The following NCOA1 variants were observed in gnomAD, a reference collection of about 807,000 sequenced individuals.
NCOA1 encodes the protein nuclear receptor coactivator 1, also known as Hin-2 protein.
Under a neutral mutation model 150.9 loss-of-function variants are expected in NCOA1, and 35 were observed. The ratio of observed to expected loss-of-function variants is 0.23; its 90% CI spans 0.18 to 0.31. NCOA1 has a LOEUF of 0.31. Among genes scored for constraint, NCOA1 ranks in the 10% least tolerant of loss-of-function variants. NCOA1 has a pLI of 1.00. For synonymous variants in NCOA1, 590 were observed against 630.0 expected (o/e 0.94, Z 0.95); for missense variants, 1,491 against 1,749.3 (o/e 0.85, Z 2.63).
chr2:24,629,181 T>C (rs1246675479), intron 3 of NCOA1, among the ~76,000 whole-genome samples: 2 of 152,138 alleles, frequency 1.3e-5, no homozygotes, highest in East Asian at 3.8e-4. Context: ...GAATAGAGCA[T>C]TAAAAAAATT....
At chr2:24,697,556 G>A (rs969990795) in intron 10 of NCOA1, 102 bp from the exon 11 acceptor site, 1 of 1,026,450 alleles carries the variant, frequency 9.7e-7, no homozygotes, top group African/African-American at 1.6e-5. Flanking sequence ...TGTTTATTGA[G>A]TATTTGGAAA....
intron 14 of NCOA1, among the ~76,000 whole-genome samples, chr2:24,723,315 A>G (rs1309804130): frequency 1.3e-5 from 2 of 152,150 alleles, no homozygotes; most frequent in Non-Finnish European, 2.9e-5. Context: ...TTATAGCTGT[A>G]CAACTTCTTA....
At chr2:24,662,656 C>G (rs775409634) in intron 5 of NCOA1, among the ~76,000 whole-genome samples, 2 of 152,104 alleles carry the variant, frequency 1.3e-5, no homozygotes, top group Non-Finnish European at 2.9e-5. Context: ...TAATATAAAA[C>G]CCTGGAAAGT....
At chr2:24,613,654 A>G (rs981024031) in intron 3 of NCOA1, among the ~76,000 whole-genome samples, 2 of 152,096 alleles carry the variant, frequency 1.3e-5, no homozygotes, top group East Asian at 1.9e-4. Flanking sequence ...CTGTACCACA[A>G]TCTCTACACA....
chr2:24,576,186 T>G (rs533079497), intron 2 of NCOA1, among the ~76,000 whole-genome samples: 2 of 109,832 alleles, frequency 1.8e-5, no homozygotes, highest in Admixed American at 1.1e-4. Flanking sequence ...TTTTTTTTTT[T>G]TTTTTGTTTG....
At chr2:24,542,150 T>G (rs1665425202) in intron 1 of NCOA1, among the ~76,000 whole-genome samples, 1 of 152,182 alleles carries the variant, frequency 6.6e-6, no homozygotes, top group African/African-American at 2.4e-5. Context: ...GCAAGAAATT[T>G]GGTATATATA....
intron 7 of NCOA1, among the ~76,000 whole-genome samples, chr2:24,678,229 T>C (rs552849693): frequency 5.3e-5 from 8 of 152,358 alleles, no homozygotes; most frequent in South Asian, 2.1e-4. Flanking sequence ...CATCCCTTTT[T>C]ATGGCTACAT....
chr2:24,710,063 TA>T (rs1673658518), intron 13 of NCOA1, among the ~76,000 whole-genome samples: 1 of 151,396 alleles, frequency 6.6e-6, no homozygotes, highest in Non-Finnish European at 1.5e-5. Flanking sequence ...ACTCCCTATT[TA>T]TTCTTTTTTA....
chr2:24,529,790 C>G (rs1242393352), intron 1 of NCOA1, among the ~76,000 whole-genome samples: 3 of 151,858 alleles, frequency 2.0e-5, no homozygotes, highest in African/African-American at 7.3e-5. Context: ...CTATTTTTTT[C>G]TTGATGGTTA....
At chr2:24,595,688 ATTGGTGTCCTAATTGTTT>A (rs1294379276) in intron 3 of NCOA1, among the ~76,000 whole-genome samples, 6 of 151,902 alleles carry the variant, frequency 3.9e-5, no homozygotes, top group Non-Finnish European at 5.9e-5. Context: ...AGGCGTCCTA[ATTGGTGTCCTAATTGTTT>A]TTGGTGTCCT....
intron 3 of NCOA1, among the ~76,000 whole-genome samples, chr2:24,587,460 A>G (rs919420773): frequency 6.6e-6 from 1 of 152,194 alleles, no homozygotes; most frequent in African/African-American, 2.4e-5. Flanking sequence ...GGCTTATTCC[A>G]TCTTGACATT....
At chr2:24,711,156 T>C (rs747375739) in intron 14 of NCOA1, 45 bp downstream of exon 14, 3 of 1,552,458 alleles carry the variant, frequency 1.9e-6, no homozygotes, top group African/African-American at 1.4e-5. Context: ...TTAGTGATAA[T>C]GTGGATTAGC....
intron 20 of NCOA1, among the ~76,000 whole-genome samples, chr2:24,756,643 C>T (rs1664513441): frequency 6.6e-6 from 1 of 151,842 alleles, no homozygotes; most frequent in Admixed American, 6.6e-5. Context: ...GGAATTTTAC[C>T]AGCAGTTTAT....
intron 17 of NCOA1, among the ~76,000 whole-genome samples, chr2:24,730,951 T>C (rs1199710895): frequency 7.2e-6 from 1 of 139,314 alleles, no homozygotes. Context: ...GGCAGGAGAA[T>C]CACTTGAACC....
At chr2:24,558,185 T>G (rs1324752506) in intron 1 of NCOA1, among the ~76,000 whole-genome samples, 5 of 152,264 alleles carry the variant, frequency 3.3e-5, no homozygotes, top group African/African-American at 1.2e-4. Context: ...TCTGGATTAT[T>G]TTTATTGACC....
intron 1 of NCOA1, among the ~76,000 whole-genome samples, chr2:24,535,124 TG>T (rs1665070945): frequency 6.6e-6 from 1 of 152,222 alleles, no homozygotes; most frequent in African/African-American, 2.4e-5. Context: ...TTTATGTATC[TG>T]GGTGCTCCTG....
At chr2:24,607,934 A>T (rs1441031672) in intron 3 of NCOA1, among the ~76,000 whole-genome samples, 1 of 152,076 alleles carries the variant, frequency 6.6e-6, no homozygotes, top group Non-Finnish European at 1.5e-5. Context: ...TATTTACTGT[A>T]ATACCATACA....
chr2:24,520,643 T>A (rs1008158484), intron 1 of NCOA1, among the ~76,000 whole-genome samples: 1 of 152,186 alleles, frequency 6.6e-6, no homozygotes, highest in Non-Finnish European at 1.5e-5. Context: ...ACAAGGAAAC[T>A]TATGAGAGTG....
intron 3 of NCOA1, among the ~76,000 whole-genome samples, chr2:24,605,003 C>T (rs1451922483): frequency 6.6e-6 from 1 of 152,104 alleles, no homozygotes; most frequent in Non-Finnish European, 1.5e-5. Flanking sequence ...TATCGTGTCT[C>T]AGGTAATAGG....
Sources: allele counts gnomAD v4.1 joint callset (sites outside exome capture counted in the v4.1 genomes callset), GRCh38; gene constraint gnomAD v4.1.1; transcripts MANE v1.5; gene names NCBI Gene and HGNC (gene_info 2026-07-23, HGNC 2026-07-21).